The following SRPK2 variants were observed in gnomAD, a reference collection of about 807,000 sequenced individuals.
The protein encoded by SRPK2 is SRSF protein kinase 2, also known as SFRS protein kinase 2.
In SRPK2, 21 loss-of-function variants were observed where a neutral mutation model predicts 90.8. The ratio of observed to expected loss-of-function variants is 0.23; its 90% CI spans 0.16 to 0.33. SRPK2 has a LOEUF of 0.33. Among genes scored for constraint, SRPK2 ranks in the 10% least tolerant of loss-of-function variants. The pLI is 1.00. For missense variants in SRPK2, 620 were observed against 869.0 expected, an observed-to-expected ratio of 0.71 and a Z score of 3.60; for synonymous variants, 288 against 311.1, an observed-to-expected ratio of 0.93 and a Z score of 0.78.
chr7:105,185,286 AAG>A (rs998311950), intron 3 of SRPK2, among the ~76,000 whole-genome samples: 133 of 152,144 alleles, frequency 8.7e-4, no homozygotes, highest in African/African-American at 3.0e-3. Flanking sequence ...TTATATCTAA[AAG>A]AAAAAATTCT....
At position 105,118,671 on chromosome 7, in the gene SRPK2, C is replaced by G. The variant is rs894604582; in HGVS notation, c.1916-649G>C. Among the ~76,000 whole-genome samples, 8 of 152,092 alleles carry G rather than the reference C, an allele frequency of 5.3e-5. No homozygotes were observed. The South Asian group carries it at 1.7e-3, about 32-fold the overall frequency. ...AGTGGCTCACTCCTGCAATCCTAGC[C>G]GTTTGGGAGGCTGAGGCAGGAGGAT... On this transcript the variant is annotated intron_variant, in intron 15 of 15. Transcript: ENST00000393651.
chr7:105,360,950 T>C (rs1818356482), intron 2 of SRPK2, among the ~76,000 whole-genome samples: 1 of 152,152 alleles, frequency 6.6e-6, no homozygotes, highest in Non-Finnish European at 1.5e-5. Context: ...CACTCGAATA[T>C]TCAACACGTT....
At chr7:105,188,008 C>T (rs1045445829) in intron 3 of SRPK2, among the ~76,000 whole-genome samples, 2 of 152,064 alleles carry the variant, frequency 1.3e-5, no homozygotes, top group African/African-American at 4.8e-5. Context: ...ACCATATGAC[C>T]CAGCACTTCC....
At chr7:105,154,813 T>C (rs1806256914) in intron 7 of SRPK2, among the ~76,000 whole-genome samples, 2 of 151,694 alleles carry the variant, frequency 1.3e-5, no homozygotes, top group South Asian at 4.2e-4. Flanking sequence ...TAGCTGGGAC[T>C]ACAAGCACGT....
intron 2 of SRPK2, among the ~76,000 whole-genome samples, chr7:105,242,088 C>T (rs1042294867): frequency 1.3e-5 from 2 of 152,188 alleles, no homozygotes; most frequent in East Asian, 1.9e-4. Context: ...AGCTGGTTGA[C>T]GGCAGGCAAC....
chr7:105,344,311 G>A (rs978860255), intron 2 of SRPK2, among the ~76,000 whole-genome samples: 1 of 148,864 alleles, frequency 6.7e-6, no homozygotes, highest in African/African-American at 2.5e-5. Context: ...TTTCTTTGAA[G>A]ATTATAGCTC....
At chr7:105,289,567 T>C (rs759677699) in intron 2 of SRPK2, among the ~76,000 whole-genome samples, 2 of 152,172 alleles carry the variant, frequency 1.3e-5, no homozygotes, top group African/African-American at 2.4e-5. Context: ...CTGAGCAACA[T>C]AGCAAGACCT....
chr7:105,114,831 C>A (rs1331158799), downstream of SRPK2, among the ~76,000 whole-genome samples: 1 of 152,174 alleles, frequency 6.6e-6, no homozygotes, highest in Non-Finnish European at 1.5e-5. Flanking sequence ...CAATCCTAAT[C>A]ACAGCTTCAA....
At chr7:105,170,975 AAG>A (rs1167038075) in intron 3 of SRPK2, among the ~76,000 whole-genome samples, 944 of 56,036 alleles carry the variant, frequency 0.017, 86 homozygotes, top group African/African-American at 0.058. Flanking sequence ...AAGAGAAAGA[AAG>A]AGAAAGAAAG....
In SRPK2 at chr7:105,126,349, G is replaced by T. The variant is rs1018777316; in HGVS notation, c.1823-9C>A. 19 of 1,606,260 alleles carry T rather than the reference G, an allele frequency of 1.2e-5. No homozygotes were observed. Among genetic ancestry groups the T allele is most frequent in the Non-Finnish European group, 1.5e-5 (18 of 1,174,094 alleles). ...GATGTGGGCTATGTGGTCTATGGAG[G>T]AGAGAAAAAAAGGATATGGGAATGG... On this transcript the variant is annotated splice_polypyrimidine_tract_variant and intron_variant, in intron 14 of 15. Coordinates refer to ENST00000393651, the MANE Select transcript of SRPK2 (RefSeq NM_182692.3).
At chr7:105,127,159 T>C in intron 13 of SRPK2, 97 bp from the exon 14 acceptor site, 1 of 1,175,752 alleles carries the variant, frequency 8.5e-7, no homozygotes, top group East Asian at 2.4e-5. Context: ...TTTATGAAGA[T>C]CTGAATCAAA....
At chr7:105,200,930 T>G (rs776228463) in intron 3 of SRPK2, among the ~76,000 whole-genome samples, 1 of 152,214 alleles carries the variant, frequency 6.6e-6, no homozygotes, top group Non-Finnish European at 1.5e-5. Context: ...GCCCGAGGTC[T>G]GAATAGTAGT....
intron 2 of SRPK2, among the ~76,000 whole-genome samples, chr7:105,357,346 A>G (rs1817895248): frequency 6.6e-6 from 1 of 152,042 alleles, no homozygotes; most frequent in Non-Finnish European, 1.5e-5. Context: ...GCCAAATAAC[A>G]CTAATTTTTT....
At chr7:105,181,562 C>A (rs1792813164) in intron 3 of SRPK2, among the ~76,000 whole-genome samples, 1 of 152,150 alleles carries the variant, frequency 6.6e-6, no homozygotes, top group Non-Finnish European at 1.5e-5. Context: ...ATGTCCGCTG[C>A]AGGAACATGG....
At chr7:105,249,977 A>G (rs1202805148) in intron 2 of SRPK2, among the ~76,000 whole-genome samples, 1 of 152,208 alleles carries the variant, frequency 6.6e-6, no homozygotes, top group Non-Finnish European at 1.5e-5. Context: ...CTTGTTGCCC[A>G]TGTGCCTCTC....
chr7:105,394,029 C>T (rs1049541666), upstream of SRPK2, among the ~76,000 whole-genome samples: 5 of 152,160 alleles, frequency 3.3e-5, no homozygotes, highest in African/African-American at 9.7e-5. Flanking sequence ...TAGGCCTAGG[C>T]AGCCACTAAT....
intron 2 of SRPK2, among the ~76,000 whole-genome samples, chr7:105,358,161 T>TTGCAG (rs1263061841): frequency 6.8e-6 from 1 of 146,828 alleles, no homozygotes; most frequent in Non-Finnish European, 1.5e-5. Flanking sequence ...GAGGCGAAGG[T>TTGCAG]TGCAGTGAGA....
chr7:105,202,562 G>T (rs1023728443), intron 3 of SRPK2, among the ~76,000 whole-genome samples: 5 of 152,168 alleles, frequency 3.3e-5, no homozygotes, highest in African/African-American at 1.2e-4. Context: ...AAAGCATGGT[G>T]TCTAGATCAT....
At chr7:105,227,838 A>G (rs1447781055) in intron 2 of SRPK2, among the ~76,000 whole-genome samples, 1 of 151,680 alleles carries the variant, frequency 6.6e-6, no homozygotes, top group Non-Finnish European at 1.5e-5. Flanking sequence ...ATGTTTATCA[A>G]CTGATGAACA....
Sources: gnomAD v4.1 joint callset for allele counts (sites outside exome capture counted in the v4.1 genomes callset) on GRCh38, gnomAD v4.1.1 for gene constraint, MANE v1.5 for transcripts, NCBI Gene and HGNC (gene_info 2026-07-23, HGNC 2026-07-21) for gene names.